SYNE1: variants seen among roughly 807,000 people sequenced by gnomAD.
SYNE1 encodes the protein nesprin-1.
In SYNE1, 616 loss-of-function variants were observed where a neutral mutation model predicts 1,111.0. The ratio of observed to expected loss-of-function variants is 0.55; its 90% confidence interval spans 0.52 to 0.59. The LOEUF (loss-of-function observed/expected upper bound fraction) is 0.59, where lower values mean the gene tolerates loss of function less well. Among genes scored for constraint, SYNE1 ranks in the 20% least tolerant of loss-of-function variants. The pLI, the probability that SYNE1 is intolerant of heterozygous loss-of-function variation, is 0.00. For missense variants in SYNE1, 10,006 were observed against 10,417.0 expected, an observed-to-expected ratio of 0.96 and a Z score of 1.72; for synonymous variants, 3,855 against 3,825.8, an observed-to-expected ratio of 1.01 and a Z score of -0.28.
chr6:152,625,535 C>A (rs2099684047), intron 3 of SYNE1, among the ~76,000 whole-genome samples: 1 of 152,100 alleles, frequency 6.6e-6, no homozygotes, highest in South Asian at 2.1e-4. Flanking sequence ...TAATTGATAC[C>A]AAAGGCTAGT....
intron 62 of SYNE1, among the ~76,000 whole-genome samples, chr6:152,366,171 A>G (rs1247965269): frequency 6.6e-6 from 1 of 151,436 alleles, no homozygotes; most frequent in African/African-American, 2.4e-5. Flanking sequence ...CGTCTCTACT[A>G]AAAATACAAA....
At chr6:152,609,132 GC>G (rs2099624182) in intron 3 of SYNE1, among the ~76,000 whole-genome samples, 1 of 151,996 alleles carries the variant, frequency 6.6e-6, no homozygotes, top group African/African-American at 2.4e-5. Context: ...AGCAGGTGCA[GC>G]CCACGGAGGG....
chr6:152,349,272 T>C (rs1301727274), intron 72 of SYNE1, among the ~76,000 whole-genome samples: 1 of 152,268 alleles, frequency 6.6e-6, no homozygotes, highest in Non-Finnish European at 1.5e-5. Context: ...TAGATTTAAA[T>C]AGTGCTTTTA....
At chr6:152,135,365 G>T in intron 141 of SYNE1, 133 bp from the exon 142 acceptor site, 1 of 967,114 alleles carries the variant, frequency 1.0e-6, no homozygotes, top group Non-Finnish European at 1.6e-6. Flanking sequence ...TTCTGAGGAA[G>T]GCACTGGTGC....
intron 91 of SYNE1, among the ~76,000 whole-genome samples, chr6:152,302,435 G>A (rs1019196886): frequency 1.2e-4 from 18 of 152,180 alleles, no homozygotes; most frequent in Non-Finnish European, 2.9e-5. Flanking sequence ...TTACCAGATG[G>A]TTCCTGCCAT....
chr6:152,134,151 A>G (rs2056506879), intron 142 of SYNE1: 1 of 153,718 alleles, frequency 6.5e-6, no homozygotes, highest in South Asian at 2.0e-4. Flanking sequence ...AAAGTCACTT[A>G]AATATACTGT....
rs555697165 is a variant in SYNE1 at position 152,321,862 on chromosome 6, A to G, written c.15942T>C (p.Asn5314=). 3.7e-6 allele frequency: 6 copies of G among 1,614,020 alleles called. No individual in the cohort carries two copies. In the East Asian group the frequency reaches 1.1e-4, roughly 30 times the overall value. The stretch of plus-strand genomic sequence containing the variant: ...TCAGCTCTTGCTTCACCAACTTTCC[A>G]TTAGTCTTCACTTTCTCCTGCATGC... ...CLNMQEKVKT[N]GKLVKQELKD... Residue 5314 remains asparagine, a synonymous_variant, in exon 83 of 146, where the codon AAT becomes AAC. Transcript: ENST00000367255.
chr6:152,180,765 G>A (rs1342420649), intron 128 of SYNE1, among the ~76,000 whole-genome samples: 1 of 152,156 alleles, frequency 6.6e-6, no homozygotes, highest in African/African-American at 2.4e-5. Flanking sequence ...GGAAGAATGA[G>A]CCTCAGGTAT....
intron 42 of SYNE1, 93 bp from the exon 43 acceptor site, chr6:152,409,802 G>C: frequency 7.4e-7 from 1 of 1,349,026 alleles, no homozygotes; most frequent in Non-Finnish European, 1.0e-6. Flanking sequence ...ACTACGTAAA[G>C]GTATTAATAC....
chr6:152,369,038 G>T lies in SYNE1; in HGVS notation c.9741C>A (p.Ser3247Arg). Residue 3247 changes from serine (S) to arginine (R), a missense_variant, in exon 61 of 146, where the codon AGC (serine) becomes AGA (arginine). Ser to Arg is a moderately radical substitution (Grantham distance 110). This residue lies in a region of SYNE1 where 4,955 missense variants were observed against 5,017.2 expected (regional missense o/e 0.99). Transcript: ENST00000367255. ...GCGACACTCTGTGCCTAAAGCTCTTGCTGGCAGCTTGTCCTTCCCACAGCT... is the reference window on the plus strand; with the variant it reads ...GCGACACTCTGTGCCTAAAGCTCTTTCTGGCAGCTTGTCCTTCCCACAGCT... ...AQQLWEGQAA[S>R]KSFRHRVSQL... is the part of the protein sequence containing the mutation. 1 of 1,614,190 alleles carries T rather than the reference G, an allele frequency of 6.2e-7. No individual in the cohort carries two copies. The highest frequency in any genetic ancestry group is 8.5e-7 in the Non-Finnish European group (1 of 1,180,048).
chr6:152,382,995 T>C (rs2097451235), intron 55 of SYNE1, among the ~76,000 whole-genome samples: 1 of 152,238 alleles, frequency 6.6e-6, no homozygotes. Flanking sequence ...CATTTTGCTT[T>C]AGAGTTGCCT....
chr6:152,429,980 T>C, intron 36 of SYNE1, 132 bp downstream of exon 36: 1 of 678,294 alleles, frequency 1.5e-6, no homozygotes. Flanking sequence ...ATTAGATCTA[T>C]ATAATTACTC....
chr6:152,166,547 C>G (rs561388631), intron 130 of SYNE1, among the ~76,000 whole-genome samples: 10 of 152,044 alleles, frequency 6.6e-5, no homozygotes, highest in Non-Finnish European at 1.3e-4. Flanking sequence ...TCCATAGGAC[C>G]GTCTACATTA....
intron 129 of SYNE1, among the ~76,000 whole-genome samples, chr6:152,178,510 T>A (rs993542974): frequency 2.0e-5 from 3 of 152,246 alleles, no homozygotes; most frequent in Non-Finnish European, 4.4e-5. Context: ...AAGGCTTATC[T>A]AATGGCAAAT....
In SYNE1 at chr6:152,628,264, C is replaced by T. The variant is rs1213042460; in HGVS notation, c.67+1G>A. On this transcript the variant is annotated splice_donor_variant, in intron 3 of 145. Coordinates refer to ENST00000367255, the MANE Select transcript of SYNE1 (RefSeq NM_182961.4). LOFTEE classifies it high-confidence loss of function. ...TAAAACCTGAAATTTCTTCCCCCTACCTTGCAGCCTCTGCATCACATTGGC... is the reference window on the plus strand; with the variant it reads ...TAAAACCTGAAATTTCTTCCCCCTATCTTGCAGCCTCTGCATCACATTGGC... 6 of 1,614,144 alleles carry T rather than the reference C, an allele frequency of 3.7e-6. No homozygotes were observed. The highest frequency in any genetic ancestry group is 5.1e-6 in the Non-Finnish European group (6 of 1,180,026).
chr6:152,263,237 G>A (rs1044452297), intron 100 of SYNE1, among the ~76,000 whole-genome samples: 4 of 151,962 alleles, frequency 2.6e-5, no homozygotes, highest in African/African-American at 9.7e-5. Flanking sequence ...TATAGAGCCT[G>A]GGAAGGTAGT....
chr6:152,122,649 G>A lies in SYNE1; in HGVS notation c.26181C>T (p.Ser8727=), dbSNP rs764225194. The change falls in exon 146 of 146, where the codon TCC becomes TCT. Residue 8727 remains serine, a synonymous_variant. Coordinates refer to ENST00000367255, the MANE Select transcript of SYNE1 (RefSeq NM_182961.4). ...ACCGACCTGGCCCTGGCTCAGAAAGGGAGGAATCGGAGCCACCTTTTGTGG... is the reference window on the plus strand; with the variant it reads ...ACCGACCTGGCCCTGGCTCAGAAAGAGAGGAATCGGAGCCACCTTTTGTGG... ...SRSTKGGSDS[S]LSEPGPGRSG... The A allele has an allele frequency of 6.2e-7, 1 of 1,614,054 alleles. No individual in the cohort carries two copies. Among genetic ancestry groups the A allele is most frequent in the East Asian group, 2.2e-5 (1 of 44,872 alleles).
chr6:152,224,422 T>A, intron 117 of SYNE1, 72 bp downstream of exon 117: 1 of 1,297,106 alleles, frequency 7.7e-7, no homozygotes, highest in South Asian at 1.2e-5. Context: ...CAGGATGATG[T>A]CTCCATTTGG....
Position 152,268,169 on chromosome 6 carries a change from C to A in SYNE1, c.18706-4G>T, listed in dbSNP as rs1189561184. The A allele has an allele frequency of 3.1e-6, 5 of 1,611,768 alleles. No individual in the cohort carries two copies. Among genetic ancestry groups the A allele is most frequent in the Non-Finnish European group, 4.2e-6 (5 of 1,177,858 alleles). On this transcript the variant is annotated splice_region_variant and splice_polypyrimidine_tract_variant and intron_variant, in intron 99 of 145. Transcript: ENST00000367255. Reference sequence around the variant, plus strand: ...CGGCTAATTCCTGTTCTAACTCCTGCTCAAGGGAAAGGACAAACGCAAACA... The same window carrying A: ...CGGCTAATTCCTGTTCTAACTCCTGATCAAGGGAAAGGACAAACGCAAACA...
Sources: gnomAD v4.1 joint callset for allele counts (sites outside exome capture counted in the v4.1 genomes callset) on GRCh38, gnomAD v4.1.1 for gene constraint, gnomAD v4.1.1 regional missense constraint, MANE v1.5 for transcripts, NCBI Gene and HGNC (gene_info 2026-07-23, HGNC 2026-07-21) for gene names.